The following TENM1 variants were observed in gnomAD, a reference collection of about 807,000 sequenced individuals.
TENM1 encodes teneurin-1.
In TENM1, 35 loss-of-function variants were observed where a neutral mutation model predicts 174.8. The ratio of observed to expected loss-of-function variants is 0.20; its 90% CI spans 0.15 to 0.27. The LOEUF is 0.27. Ranked by LOEUF, TENM1 falls within the 10% of genes least tolerant of loss-of-function variation. The pLI is 1.00. For synonymous variants in TENM1, 781 were observed against 798.7 expected, an observed-to-expected ratio of 0.98 and a Z score of 0.37; for missense variants, 1,633 against 2,130.1, an observed-to-expected ratio of 0.77 and a Z score of 4.59.
At chrX:124,613,843 C>A (rs1213691710) in intron 11 of TENM1, among the ~76,000 whole-genome samples, 3 of 111,344 alleles carry the variant, frequency 2.7e-5, no homozygotes, top group African/African-American at 9.8e-5. Flanking sequence ...TTCAGCTACC[C>A]TCCTCTTTTG....
intron 11 of TENM1, among the ~76,000 whole-genome samples, chrX:124,626,213 A>G (rs2050633053): frequency 1.8e-5 from 2 of 110,817 alleles, no homozygotes; most frequent in African/African-American, 6.6e-5. Context: ...AACCTACCAC[A>G]TAATTCCATT....
chrX:124,733,631 G>T (rs901927262), intron 4 of TENM1, among the ~76,000 whole-genome samples: 4 of 111,882 alleles, frequency 3.6e-5, no homozygotes, highest in African/African-American at 1.3e-4. Context: ...GGCTATATTT[G>T]AACAATGCTA....
At chrX:124,979,454 T>C in the TENM1 span, among the ~76,000 whole-genome samples, 1 of 111,991 alleles carries the variant, frequency 8.9e-6, no homozygotes, top group Admixed American at 9.5e-5. Flanking sequence ...TTTCAAAGAC[T>C]TAGTAAAAAA....
chrX:124,896,177 A>T, exon 2 of TENM1: 1 of 1,211,280 alleles, frequency 8.3e-7, no homozygotes, highest in Non-Finnish European at 1.1e-6. Context: ...CATGCCGAGA[A>T]ACGCTGTGCA....
intron 5 of TENM1, among the ~76,000 whole-genome samples, chrX:124,699,137 G>C (rs751771348): frequency 9.0e-6 from 1 of 111,589 alleles, no homozygotes; most frequent in East Asian, 2.8e-4. Flanking sequence ...AATTTGGGTG[G>C]AGAGAAACTG....
intron 22 of TENM1, 30 bp downstream of exon 25, chrX:124,481,702 T>TATAC (rs1569534034): frequency 2.8e-6 from 1 of 352,962 alleles, no homozygotes; most frequent in Admixed American, 5.4e-5. Context: ...AGGGTATATA[T>TATAC]ATATATATAT....
At chrX:124,582,493 A>G (rs942729577) in intron 11 of TENM1, among the ~76,000 whole-genome samples, 14 of 111,844 alleles carry the variant, frequency 1.3e-4, no homozygotes, top group Non-Finnish European at 2.6e-4. Flanking sequence ...TTTTGTGGCT[A>G]CTATAAATGG....
At chrX:124,915,516 C>CT (rs2057908219) in intron 1 of TENM1, among the ~76,000 whole-genome samples, 1 of 112,365 alleles carries the variant, frequency 8.9e-6, no homozygotes, top group African/African-American at 3.2e-5. Flanking sequence ...CAGAGTGAGA[C>CT]TTTGTCTCAA....
At position 124,406,639 on chromosome X, in the gene TENM1, G is replaced by C. The variant is rs1000698636; in HGVS notation, c.4983-150C>G. On this transcript the variant is annotated intron_variant, in intron 25 of 31. Coordinates refer to ENST00000422452, the Ensembl canonical transcript of TENM1. ...GTTCAAGAAGAAGAAAAAGGTCAGAGAGATGATTAATCAAACGAAGGTATT... is the reference window on the plus strand; with the variant it reads ...GTTCAAGAAGAAGAAAAAGGTCAGACAGATGATTAATCAAACGAAGGTATT... 6 of 405,340 alleles carry C rather than the reference G, an allele frequency of 1.5e-5. No homozygotes were observed. The East Asian group carries it at 2.4e-4, about 16-fold the overall frequency. The allele number at this position is 405,340 out of a possible 1,213,427, so 33.4% of individuals were successfully genotyped here.
intron 6 of TENM1, among the ~76,000 whole-genome samples, chrX:124,656,609 C>T (rs6649276): frequency 0.06 from 6,659 of 111,495 alleles, 344 homozygotes; most frequent in African/African-American, 0.17. Context: ...GCCTCTTACC[C>T]TTTAGAGTTT....
chrX:125,108,055 T>C, the TENM1 span, among the ~76,000 whole-genome samples: 1 of 112,092 alleles, frequency 8.9e-6, no homozygotes. Flanking sequence ...ACTACCACTC[T>C]TCCCCTCCTA....
chrX:124,520,236 T>G (rs1328349254), intron 18 of TENM1, among the ~76,000 whole-genome samples: 1 of 111,737 alleles, frequency 8.9e-6, no homozygotes, highest in East Asian at 2.8e-4. Flanking sequence ...AGGTCACATT[T>G]AGAAGGCAGC....
At chrX:124,750,165 T>C (rs990155302) in intron 3 of TENM1, among the ~76,000 whole-genome samples, 3 of 111,582 alleles carry the variant, frequency 2.7e-5, no homozygotes, top group African/African-American at 6.5e-5. Flanking sequence ...GAAAAACATG[T>C]CCCCTTCCTC....
chrX:124,785,416 T>A (rs922719697), intron 3 of TENM1, among the ~76,000 whole-genome samples: 1 of 111,547 alleles, frequency 9.0e-6, no homozygotes, highest in Non-Finnish European at 1.9e-5. Context: ...GCCAGGCATA[T>A]CCCATAATGG....
chrX:124,510,641 C>T (rs1366060798), intron 18 of TENM1, among the ~76,000 whole-genome samples: 1 of 111,608 alleles, frequency 9.0e-6, no homozygotes, highest in Non-Finnish European at 1.9e-5. Flanking sequence ...AAATAAGTCA[C>T]ATGGTTTGAT....
chrX:124,757,011 G>C lies in TENM1; in HGVS notation c.536-19814C>G, dbSNP rs1234114040. Among the ~76,000 whole-genome samples, 16 of 111,043 alleles carry C rather than the reference G, an allele frequency of 1.4e-4. No homozygotes were observed. The South Asian group carries it at 3.8e-3, about 26-fold the overall frequency. On this transcript the variant is annotated intron_variant, in intron 3 of 31. Transcript: ENST00000422452. ...CAGCTGCGTGCTGGGAGAACCACTG[G>C]TCTCTTCAAAGCTGTCAGACAGGGA...
chrX:124,572,587 CA>C (rs2049079777), intron 11 of TENM1, among the ~76,000 whole-genome samples: 1 of 110,396 alleles, frequency 9.1e-6, no homozygotes, highest in Admixed American at 9.7e-5. Context: ...TTAGTCAGCA[CA>C]AAAAGGCAAC....
At chrX:125,063,458 T>G in the TENM1 span, among the ~76,000 whole-genome samples, 2 of 110,920 alleles carry the variant, frequency 1.8e-5, no homozygotes, top group Non-Finnish European at 3.8e-5. Flanking sequence ...TCAAACAAAT[T>G]TACAAGAAAA....
intron 3 of TENM1, among the ~76,000 whole-genome samples, chrX:124,783,453 T>G (rs976581965): frequency 8.9e-6 from 1 of 112,008 alleles, no homozygotes; most frequent in Non-Finnish European, 1.9e-5. Context: ...ACTCGTTATT[T>G]TTATGATAAG....
Sources: allele counts gnomAD v4.1 joint callset (sites outside exome capture counted in the v4.1 genomes callset), GRCh38; gene constraint gnomAD v4.1.1; transcripts MANE v1.5; gene names NCBI Gene and HGNC (gene_info 2026-07-23, HGNC 2026-07-21).